CTNNA2: variants seen among roughly 807,000 people sequenced by gnomAD.
CTNNA2 encodes catenin alpha 2.
A neutral mutation model predicts 101.0 loss-of-function variants in CTNNA2; 42 were observed. The observed-to-expected ratio is 0.42, with a 90% CI of 0.32 to 0.54. CTNNA2 has a LOEUF of 0.54. Among genes scored for constraint, CTNNA2 ranks in the 20% least tolerant of loss-of-function variants. The pLI is 0.14. For missense variants in CTNNA2, 871 were observed against 1,223.1 expected (o/e 0.71, Z 4.29); for synonymous variants, 450 against 456.4 (o/e 0.99, Z 0.18).
chr2:80,400,588 A>G (rs1678464005), intron 8 of CTNNA2, among the ~76,000 whole-genome samples: 1 of 152,206 alleles, frequency 6.6e-6, no homozygotes, highest in South Asian at 2.1e-4. Context: ...TGAAATTTCC[A>G]GATTATCTTA....
chr2:79,935,785 C>A (rs1229404883), intron 7 of CTNNA2, among the ~76,000 whole-genome samples: 1 of 152,202 alleles, frequency 6.6e-6, no homozygotes, highest in African/African-American at 2.4e-5. Flanking sequence ...AGAGGCCTGG[C>A]AGTAATAAAT....
At chr2:79,510,777 G>A (rs938505177), upstream of CTNNA2, among the ~76,000 whole-genome samples, 66 of 152,150 alleles carry the variant, frequency 4.3e-4, no homozygotes, top group Non-Finnish European at 1.6e-4. Context: ...TGAACTAAAA[G>A]CTTACAAATA....
chr2:80,575,652 A>G (rs1359864203), intron 13 of CTNNA2, among the ~76,000 whole-genome samples: 2 of 152,118 alleles, frequency 1.3e-5, no homozygotes, highest in Non-Finnish European at 2.9e-5. Flanking sequence ...GTAATCCTCA[A>G]GATATATTCC....
At chr2:80,625,982 C>T (rs1671644704) in intron 18 of CTNNA2, among the ~76,000 whole-genome samples, 1 of 151,804 alleles carries the variant, frequency 6.6e-6, no homozygotes, top group Admixed American at 6.6e-5. Flanking sequence ...AGAATTTTTT[C>T]CCAAAAAGCT....
rs113144673 is a variant in CTNNA2 at position 79,377,144 on chromosome 2, C to A, written c.-135+3131C>A. On this transcript the variant is annotated intron_variant, in intron 4 of 21. Coordinates refer to the CTNNA2 transcript ENST00000466387. ...CTATTTCTCCACATCCTCTCCAGCA[C>A]CTGTTGTTTCCTCACTTTTTAATGA... Among the ~76,000 whole-genome samples the A allele has an allele frequency of 4.6e-3, 696 of 152,032 alleles. 7 individuals carry two copies. The highest frequency in any genetic ancestry group is 0.016 in the African/African-American group (652 of 41,446).
At chr2:79,887,446 AT>A (rs1683966850) in intron 6 of CTNNA2, among the ~76,000 whole-genome samples, 1 of 152,168 alleles carries the variant, frequency 6.6e-6, no homozygotes. Context: ...TTTTTGGAAA[AT>A]TTGATGTTTT....
At chr2:80,104,477 G>C (rs369858129) in intron 7 of CTNNA2, among the ~76,000 whole-genome samples, 1 of 152,092 alleles carries the variant, frequency 6.6e-6, no homozygotes, top group African/African-American at 2.4e-5. Context: ...AGCCAAGAAC[G>C]CTAAAAAAAC....
At chr2:79,434,799 C>A (rs978475231) in intron 4 of CTNNA2, among the ~76,000 whole-genome samples, 2 of 152,174 alleles carry the variant, frequency 1.3e-5, no homozygotes, top group African/African-American at 4.8e-5. Context: ...GCTAATACTT[C>A]ACCCACTTTC....
At chr2:80,262,755 C>T (rs1289839566) in intron 7 of CTNNA2, among the ~76,000 whole-genome samples, 2 of 152,156 alleles carry the variant, frequency 1.3e-5, no homozygotes, top group Non-Finnish European at 2.9e-5. Flanking sequence ...ATATCATTGT[C>T]ATCCCTGCTG....
rs559050647 is a variant in CTNNA2 at position 79,948,749 on chromosome 2, A to T, written c.1056+38952A>T. On this transcript the variant is annotated intron_variant, in intron 7 of 18. Transcript: ENST00000402739. ...TTTGGGAGGCCGAGGCGGGCGGATCACGAGGCCAGGAGATGGACACCATCC... is the reference window on the plus strand; with the variant it reads ...TTTGGGAGGCCGAGGCGGGCGGATCTCGAGGCCAGGAGATGGACACCATCC... Among the ~76,000 whole-genome samples, 78 of 152,290 alleles carry T rather than the reference A, an allele frequency of 5.1e-4. 1 individual carries two copies. The highest frequency in any genetic ancestry group is 3.4e-3 in the Middle Eastern group (1 of 294).
chr2:80,484,464 C>T (rs11902138), intron 9 of CTNNA2, among the ~76,000 whole-genome samples: 41,922 of 151,734 alleles, frequency 0.28, 6,533 homozygotes, highest in East Asian at 0.67. Flanking sequence ...GGCTGTTCGG[C>T]GAAAAAGGAA....
At chr2:80,047,330 G>A (rs1696596820) in intron 7 of CTNNA2, among the ~76,000 whole-genome samples, 1 of 152,182 alleles carries the variant, frequency 6.6e-6, no homozygotes. Context: ...CCAGAACCTA[G>A]AGGCTACCGT....
At chr2:79,926,690 A>G (rs534996478) in intron 7 of CTNNA2, among the ~76,000 whole-genome samples, 11 of 152,162 alleles carry the variant, frequency 7.2e-5, no homozygotes, top group Non-Finnish European at 1.2e-4. Context: ...GGTAAGGGCA[A>G]TTTTATTTCC....
chr2:79,297,347 A>G (rs1232286119), intron 2 of CTNNA2, among the ~76,000 whole-genome samples: 1 of 152,166 alleles, frequency 6.6e-6, no homozygotes, highest in Non-Finnish European at 1.5e-5. Context: ...TGAAATCTTA[A>G]CTTCAGTGTC....
chr2:80,414,795 T>C (rs1282859881), intron 8 of CTNNA2, among the ~76,000 whole-genome samples: 5 of 152,194 alleles, frequency 3.3e-5, no homozygotes, highest in African/African-American at 1.2e-4. Flanking sequence ...AGAATTAGTT[T>C]CTAATGCTTG....
chr2:79,739,355 CAG>C, intron 2 of CTNNA2, among the ~76,000 whole-genome samples: 1 of 152,250 alleles, frequency 6.6e-6, no homozygotes, highest in Middle Eastern at 3.4e-3. Context: ...TGAAAGAAAA[CAG>C]CTTATGATGT....
intron 1 of CTNNA2, among the ~76,000 whole-genome samples, chr2:79,542,129 T>C (rs1273237810): frequency 7.0e-6 from 1 of 141,850 alleles, no homozygotes; most frequent in Non-Finnish European, 1.7e-5. Flanking sequence ...TAGTATATAT[T>C]GTGTGAATGT....
At chr2:80,550,779 C>A (rs927374511) in intron 11 of CTNNA2, among the ~76,000 whole-genome samples, 3 of 150,804 alleles carry the variant, frequency 2.0e-5, no homozygotes, top group African/African-American at 7.3e-5. Context: ...TCTTCCTCCA[C>A]TGAAGTCTTG....
chr2:80,410,198 C>A (rs1679443409), intron 8 of CTNNA2, among the ~76,000 whole-genome samples: 1 of 152,222 alleles, frequency 6.6e-6, no homozygotes, highest in Admixed American at 6.5e-5. Context: ...ATACCCCACC[C>A]AATAGGTAGA....
Sources: gnomAD v4.1 joint callset for allele counts (sites outside exome capture counted in the v4.1 genomes callset) on GRCh38, gnomAD v4.1.1 for gene constraint, MANE v1.5 for transcripts, NCBI Gene and HGNC (gene_info 2026-07-23, HGNC 2026-07-21) for gene names.